Variants in ZEB1 observed in about 807,000 individuals in gnomAD.
ZEB1 encodes zinc finger E-box binding homeobox 1, also known as zinc finger E-box-binding homeobox 1.
Under a neutral mutation model 84.9 loss-of-function variants are expected in ZEB1, and 21 were observed. That is an observed-to-expected ratio of 0.25 (90% CI 0.18 to 0.36). The LOEUF (loss-of-function observed/expected upper bound fraction) is 0.36, where lower values mean the gene tolerates loss of function less well. Ranked by LOEUF, ZEB1 falls within the 10% of genes least tolerant of loss-of-function variation. ZEB1 has a pLI of 1.00. For missense variants in ZEB1, 1,104 were observed against 1,330.2 expected (o/e 0.83, Z 2.65); for synonymous variants, 420 against 471.1 (o/e 0.89, Z 1.41).
At chr10:31,321,478 A>G in intron 1 of ZEB1, 1 of 1,614,004 alleles carries the variant, frequency 6.2e-7, no homozygotes, top group African/African-American at 1.3e-5. Flanking sequence ...AGCGTCAAAT[A>G]GTGTGTGTTC....
intron 2 of ZEB1, among the ~76,000 whole-genome samples, chr10:31,486,883 C>G (rs550720285): frequency 6.6e-6 from 1 of 151,476 alleles, no homozygotes; most frequent in East Asian, 1.9e-4. Context: ...AGGTTTTTCT[C>G]TTTGTTTTCT....
rs161263 is a variant in ZEB1 at position 31,430,021 on chromosome 10, G to A, written c.59-31016G>A. Among the ~76,000 whole-genome samples, 1,309 of 152,200 alleles carry A rather than the reference G, an allele frequency of 8.6e-3. 13 individuals carry two copies. The highest frequency in any genetic ancestry group is 0.029 in the African/African-American group (1,200 of 41,530). ...CTCCCAAAGTGCTGAGATTACAGGC[G>A]TGAGCCACCACGCCCAGCCATAGGC... On this transcript the variant is annotated intron_variant, in intron 1 of 8. Transcript: ENST00000424869.
At chr10:31,499,461 A>G (rs1417145104) in intron 3 of ZEB1, among the ~76,000 whole-genome samples, 1 of 152,186 alleles carries the variant, frequency 6.6e-6, no homozygotes, top group Non-Finnish European at 1.5e-5. Flanking sequence ...CCAGTTATCA[A>G]CATCACACCA....
At chr10:31,323,687 A>G (rs1471038179) in intron 1 of ZEB1, among the ~76,000 whole-genome samples, 1 of 152,110 alleles carries the variant, frequency 6.6e-6, no homozygotes, top group Non-Finnish European at 1.5e-5. Context: ...AAGAAACTAT[A>G]TAAATTGCAT....
intron 1 of ZEB1, among the ~76,000 whole-genome samples, chr10:31,410,279 G>T (rs2053992815): frequency 6.6e-6 from 1 of 152,118 alleles, no homozygotes; most frequent in Non-Finnish European, 1.5e-5. Context: ...TGTCGTTTTT[G>T]TCATTGGTTC....
intron 2 of ZEB1, among the ~76,000 whole-genome samples, chr10:31,492,515 C>G (rs930199610): frequency 6.6e-6 from 1 of 151,682 alleles, no homozygotes; most frequent in Non-Finnish European, 1.5e-5. Flanking sequence ...CATCATAAGT[C>G]AAGGAGTATC....
chr10:31,406,440 C>G (rs2053056787), intron 1 of ZEB1, among the ~76,000 whole-genome samples: 1 of 151,440 alleles, frequency 6.6e-6, no homozygotes, highest in African/African-American at 2.4e-5. Flanking sequence ...CTCTAATGAC[C>G]AGTGATGATG....
At chr10:31,386,923 G>T (rs1008638819) in intron 1 of ZEB1, among the ~76,000 whole-genome samples, 2 of 152,140 alleles carry the variant, frequency 1.3e-5, no homozygotes, top group Non-Finnish European at 2.9e-5. Context: ...AGTCACTTAA[G>T]GTTTTGGGTC....
At chr10:31,319,114 C>G (rs2032910783), upstream of ZEB1, 4 of 705,638 alleles carry the variant, frequency 5.7e-6, no homozygotes, top group Non-Finnish European at 1.0e-5. Context: ...TGTCGTAAAG[C>G]CGGGAGTGTC....
chr10:31,480,391 A>G (rs1218303974), intron 2 of ZEB1, among the ~76,000 whole-genome samples: 4 of 152,044 alleles, frequency 2.6e-5, no homozygotes, highest in Non-Finnish European at 5.9e-5. Context: ...AGCAAATTGT[A>G]TTCATCCTTC....
At chr10:31,465,494 G>A (rs2062306392) in intron 2 of ZEB1, among the ~76,000 whole-genome samples, 1 of 151,696 alleles carries the variant, frequency 6.6e-6, no homozygotes, top group Admixed American at 6.6e-5. Flanking sequence ...AATGGAAGCA[G>A]CAAAGAAACA....
chr10:31,500,921 T>C (rs761521990), intron 3 of ZEB1, among the ~76,000 whole-genome samples: 1 of 152,196 alleles, frequency 6.6e-6, no homozygotes, highest in South Asian at 2.1e-4. Flanking sequence ...TCTTGGTATA[T>C]AGCAAATGCT....
chr10:31,490,560 G>A (rs1331291510), intron 2 of ZEB1, among the ~76,000 whole-genome samples: 1 of 151,554 alleles, frequency 6.6e-6, no homozygotes, highest in Non-Finnish European at 1.5e-5. Flanking sequence ...TCCATTTGCT[G>A]AGACATTCTA....
At chr10:31,355,051 T>C (rs1389709424) in intron 1 of ZEB1, 1 of 152,198 alleles carries the variant, frequency 6.6e-6, no homozygotes, top group Non-Finnish European at 1.5e-5. Flanking sequence ...TTTTGATATC[T>C]TTGGTAAGAC....
intron 1 of ZEB1, among the ~76,000 whole-genome samples, chr10:31,456,590 G>A (rs1210457129): frequency 6.6e-6 from 1 of 152,110 alleles, no homozygotes; most frequent in East Asian, 1.9e-4. Context: ...TCAGTGTAAC[G>A]ATTTTCAGTC....
At chr10:31,456,794 G>A (rs550595320) in intron 1 of ZEB1, among the ~76,000 whole-genome samples, 8 of 152,212 alleles carry the variant, frequency 5.3e-5, no homozygotes, top group African/African-American at 1.9e-4. Context: ...AATAGTAGTA[G>A]CAGAAAACAC....
chr10:31,435,706 T>C (rs1428613000), intron 1 of ZEB1, among the ~76,000 whole-genome samples: 1 of 152,084 alleles, frequency 6.6e-6, no homozygotes, highest in Non-Finnish European at 1.5e-5. Context: ...CGAGAATGAA[T>C]AGAATAGTGG....
intron 2 of ZEB1, among the ~76,000 whole-genome samples, chr10:31,477,004 A>G (rs1399279847): frequency 6.6e-6 from 1 of 152,092 alleles, no homozygotes; most frequent in Non-Finnish European, 1.5e-5. Flanking sequence ...CTGGAACAAG[A>G]CAAGGATGCC....
intron 2 of ZEB1, among the ~76,000 whole-genome samples, chr10:31,472,351 T>G (rs370671405): frequency 6.6e-6 from 1 of 151,582 alleles, no homozygotes; most frequent in East Asian, 1.9e-4. Flanking sequence ...ATCAAATAGA[T>G]GCAATAAAAA....
Sources: allele counts gnomAD v4.1 joint callset (sites outside exome capture counted in the v4.1 genomes callset), GRCh38; gene constraint gnomAD v4.1.1; transcripts MANE v1.5; gene names NCBI Gene and HGNC (gene_info 2026-07-23, HGNC 2026-07-21).